Variants in CCDC171 observed in about 807,000 individuals in gnomAD.
CCDC171 encodes coiled-coil domain-containing protein 171.
Under a neutral mutation model 168.2 loss-of-function variants are expected in CCDC171, and 177 were observed. The observed-to-expected ratio is 1.05, with a 90% CI of 0.93 to 1.19. CCDC171 has a LOEUF of 1.19. Among genes scored for constraint, CCDC171 ranks in the 50% most tolerant of loss-of-function variants. CCDC171 has a pLI of 0.00. For missense variants in CCDC171, 1,991 were observed against 1,539.0 expected, an observed-to-expected ratio of 1.29 and a Z score of -4.91; for synonymous variants, 687 against 540.8, an observed-to-expected ratio of 1.27 and a Z score of -3.75.
chr9:15,692,033 T>C (rs60294159), intron 10 of CCDC171, among the ~76,000 whole-genome samples: 3,818 of 152,236 alleles, frequency 0.025, 154 homozygotes, highest in African/African-American at 0.087. Context: ...CTGGACTTCT[T>C]GAGTATTTTA....
Position 15,789,775 on chromosome 9 carries a change from C to G in CCDC171, c.3267+5081C>G, listed in dbSNP as rs144847507. The stretch of plus-strand genomic sequence containing the variant: ...CCTCCCCCCACCCTACGACAGTCCC[C>G]GGTGTGTGATGTTCCCCTTCCTGTG... On this transcript the variant is annotated intron_variant, in intron 21 of 25. Coordinates refer to ENST00000380701, the MANE Select transcript of CCDC171 (RefSeq NM_173550.4). Among the ~76,000 whole-genome samples the G allele has an allele frequency of 7.2e-3, 974 of 134,702 alleles. 9 individuals carry two copies. The highest frequency in any genetic ancestry group is 0.025 in the African/African-American group (923 of 36,802). 88.4% of individuals were successfully genotyped at this position (134,702 alleles called of 152,430 possible).
intron 5 of CCDC171, among the ~76,000 whole-genome samples, chr9:15,592,173 A>T (rs1461066731): frequency 6.7e-6 from 1 of 149,672 alleles, no homozygotes; most frequent in Non-Finnish European, 1.5e-5. Flanking sequence ...AAAAAAAATT[A>T]CATGACAAAG....
chr9:15,865,891 A>G (rs1201529495), intron 23 of CCDC171, among the ~76,000 whole-genome samples: 2 of 151,658 alleles, frequency 1.3e-5, no homozygotes, highest in Non-Finnish European at 2.9e-5. Context: ...ACAGTTCTAT[A>G]TAGATAGTTA....
intron 24 of CCDC171, among the ~76,000 whole-genome samples, chr9:15,897,926 T>C (rs1257991576): frequency 6.6e-6 from 1 of 152,156 alleles, no homozygotes; most frequent in Non-Finnish European, 1.5e-5. Context: ...CCAATTCTGC[T>C]CTTTATTAAC....
At chr9:15,608,715 T>A (rs796460786) in intron 6 of CCDC171, among the ~76,000 whole-genome samples, 22 of 150,268 alleles carry the variant, frequency 1.5e-4, no homozygotes, top group African/African-American at 5.4e-4. Context: ...ATTTTAGGAG[T>A]CTGAGGTGGG....
intron 21 of CCDC171, among the ~76,000 whole-genome samples, chr9:15,828,153 T>G (rs2060091268): frequency 6.6e-6 from 1 of 152,198 alleles, no homozygotes; most frequent in Non-Finnish European, 1.5e-5. Context: ...ATTTCAGCTT[T>G]TCGTTTTGTT....
intron 11 of CCDC171, among the ~76,000 whole-genome samples, chr9:15,720,480 T>C (rs1044192742): frequency 2.6e-5 from 4 of 152,192 alleles, no homozygotes; most frequent in African/African-American, 9.7e-5. Context: ...GTTGAATGAA[T>C]GAATAGTAGG....
intron 25 of CCDC171, among the ~76,000 whole-genome samples, chr9:15,951,113 G>C (rs1829104327): frequency 6.7e-6 from 1 of 150,252 alleles, no homozygotes. Context: ...GGAGCACCCA[G>C]ATTCATAAAG....
intron 7 of CCDC171, among the ~76,000 whole-genome samples, chr9:15,648,770 C>T (rs1459460492): frequency 6.6e-6 from 1 of 152,030 alleles, no homozygotes. Context: ...ATGGAAGAAC[C>T]TTCCATGCTC....
chr9:15,601,976 A>G (rs2042890522), intron 6 of CCDC171, among the ~76,000 whole-genome samples: 1 of 152,176 alleles, frequency 6.6e-6, no homozygotes, highest in Admixed American at 6.5e-5. Flanking sequence ...TTTATATGTG[A>G]AGTACTAAAA....
chr9:15,826,208 T>C (rs1229167092), intron 21 of CCDC171, among the ~76,000 whole-genome samples: 3 of 152,122 alleles, frequency 2.0e-5, no homozygotes, highest in Non-Finnish European at 4.4e-5. Flanking sequence ...TGTTTTCTTA[T>C]AGTTTTTAAA....
intron 21 of CCDC171, among the ~76,000 whole-genome samples, chr9:15,794,670 TA>T (rs1219064519): frequency 6.6e-6 from 1 of 152,176 alleles, no homozygotes; most frequent in Non-Finnish European, 1.5e-5. Flanking sequence ...TAAGGGATTA[TA>T]AAAAATAAAA....
intron 4 of CCDC171, among the ~76,000 whole-genome samples, chr9:15,587,920 TA>T (rs1307044718): frequency 6.6e-6 from 1 of 152,198 alleles, no homozygotes; most frequent in Non-Finnish European, 1.5e-5. Flanking sequence ...CCAGGTGTTA[TA>T]AAAGATGAAA....
chr9:15,619,940 A>G (rs2044376249), intron 6 of CCDC171, among the ~76,000 whole-genome samples: 2 of 152,224 alleles, frequency 1.3e-5, no homozygotes, highest in African/African-American at 4.8e-5. Flanking sequence ...CCTGTGCTCT[A>G]TAAATGGGAC....
At chr9:15,903,632 A>G (rs143370283) in intron 24 of CCDC171, among the ~76,000 whole-genome samples, 124 of 152,334 alleles carry the variant, frequency 8.1e-4, no homozygotes, top group African/African-American at 2.9e-3. Flanking sequence ...CTCCTCCTCC[A>G]AAGGAACTCG....
At chr9:15,645,028 C>A (rs973013350) in intron 7 of CCDC171, among the ~76,000 whole-genome samples, 1 of 152,204 alleles carries the variant, frequency 6.6e-6, no homozygotes, top group Non-Finnish European at 1.5e-5. Context: ...CGGCTGGGTA[C>A]CCCTCTGTGA....
intron 21 of CCDC171, among the ~76,000 whole-genome samples, chr9:15,810,829 C>T (rs1204972847): frequency 6.6e-6 from 1 of 152,228 alleles, no homozygotes; most frequent in African/African-American, 2.4e-5. Context: ...TCAGCATGGG[C>T]CGGCCCAGAG....
chr9:15,795,343 T>G (rs1487592820), intron 21 of CCDC171, among the ~76,000 whole-genome samples: 3 of 152,208 alleles, frequency 2.0e-5, no homozygotes, highest in African/African-American at 7.2e-5. Flanking sequence ...TAATCACCTC[T>G]TAAAGGTCTC....
At position 15,695,323 on chromosome 9, in the gene CCDC171, G is replaced by A; in HGVS notation, c.1304G>A (p.Gly435Asp). 1 of 1,613,302 alleles carries A rather than the reference G, an allele frequency of 6.2e-7. No individual in the cohort carries two copies. Among genetic ancestry groups the A allele is most frequent in the Non-Finnish European group, 8.5e-7 (1 of 1,179,248 alleles). The change falls in exon 11 of 26, where the codon GGC becomes GAC. Residue 435 changes from glycine to aspartate, a missense_variant. By Grantham distance (94) the Gly-to-Asp change is moderately conservative. Transcript: ENST00000380701. The stretch of plus-strand genomic sequence containing the variant: ...ATCTTGGACAGCTTTACTGTGTCGG[G>A]CCAGTGGACATCAGGTTAGTTGAAG... ...ESILDSFTVS[G>D]QWTSGIHKDK...
Sources: gnomAD v4.1 joint callset for allele counts (sites outside exome capture counted in the v4.1 genomes callset) on GRCh38, gnomAD v4.1.1 for gene constraint, MANE v1.5 for transcripts, NCBI Gene and HGNC (gene_info 2026-07-23, HGNC 2026-07-21) for gene names.